The following PCED1B variants were observed in gnomAD, a reference collection of about 807,000 sequenced individuals.
PCED1B encodes PC-esterase domain-containing protein 1B.
For synonymous variants in PCED1B, 251 were observed against 246.1 expected (o/e 1.02, Z -0.19); for missense variants, 573 against 573.9 (o/e 1.00, Z 0.02).
intron 1 of PCED1B, among the ~76,000 whole-genome samples, chr12:47,099,245 C>A (rs1174149004): frequency 6.6e-6 from 1 of 152,198 alleles, no homozygotes; most frequent in Non-Finnish European, 1.5e-5. Flanking sequence ...AATTCACATA[C>A]CATTTTGGGC....
At chr12:47,192,343 A>C (rs1431154278) in intron 2 of PCED1B, among the ~76,000 whole-genome samples, 1 of 152,172 alleles carries the variant, frequency 6.6e-6, no homozygotes, top group Non-Finnish European at 1.5e-5. Context: ...GGCTGAAATA[A>C]GAAAAATATG....
intron 2 of PCED1B, among the ~76,000 whole-genome samples, chr12:47,181,985 C>T (rs891162129): frequency 2.0e-5 from 3 of 152,204 alleles, no homozygotes; most frequent in Non-Finnish European, 4.4e-5. Context: ...CTGAAGGCTT[C>T]ACAAACCTTT....
chr12:47,137,882 G>T (rs546599199), intron 2 of PCED1B, among the ~76,000 whole-genome samples: 1 of 152,250 alleles, frequency 6.6e-6, no homozygotes, highest in East Asian at 1.9e-4. Context: ...AAGCTAAGAG[G>T]TGTGAGCCAT....
chr12:47,090,509 C>T (rs544174351), intron 1 of PCED1B, among the ~76,000 whole-genome samples: 2 of 152,210 alleles, frequency 1.3e-5, no homozygotes, highest in African/African-American at 4.8e-5. Context: ...ATGCATAGAA[C>T]CGGAGTACCA....
chr12:47,195,876 C>T (rs117466532), intron 2 of PCED1B, among the ~76,000 whole-genome samples: 445 of 152,236 alleles, frequency 2.9e-3, no homozygotes, highest in Admixed American at 4.3e-3. Flanking sequence ...TTATAATATA[C>T]GGGCTATGGT....
chr12:47,201,284 C>T (rs560831123), intron 2 of PCED1B, among the ~76,000 whole-genome samples: 2 of 152,178 alleles, frequency 1.3e-5, no homozygotes, highest in South Asian at 2.1e-4. Context: ...GGGCTTTGGG[C>T]GTTATCAATC....
chr12:47,220,340 T>C lies in PCED1B; in HGVS notation c.-58+3651T>C, dbSNP rs555779545. On this transcript the variant is annotated intron_variant, in intron 3 of 3. Coordinates refer to ENST00000546455, the MANE Select transcript of PCED1B (RefSeq NM_138371.3). Reference sequence around the variant, plus strand: ...GTGTGTGCCATGACACCAGGCTAATTTTTGTATTTTTAGTAGAGACTGGGT... The same window carrying C: ...GTGTGTGCCATGACACCAGGCTAATCTTTGTATTTTTAGTAGAGACTGGGT... Among the ~76,000 whole-genome samples the C allele has an allele frequency of 2.0e-4, 31 of 151,926 alleles. No individual in the cohort carries two copies. In the South Asian group the frequency reaches 5.6e-3, roughly 28 times the overall value.
intron 3 of PCED1B, among the ~76,000 whole-genome samples, chr12:47,228,420 C>A (rs1198048982): frequency 6.6e-6 from 1 of 152,152 alleles, no homozygotes; most frequent in East Asian, 1.9e-4. Flanking sequence ...CCCATCCCCT[C>A]CCTTCATGAC....
chr12:47,212,351 C>T (rs1943119010), intron 2 of PCED1B, among the ~76,000 whole-genome samples: 2 of 152,120 alleles, frequency 1.3e-5, no homozygotes, highest in South Asian at 2.1e-4. Context: ...AGGTAAGGGA[C>T]ATTGCTAAAT....
rs1334423580 is a variant in PCED1B, at chr12:47,211,828, C to T, written c.-525-4394C>T. On this transcript the variant is annotated intron_variant, in intron 2 of 3. Transcript: ENST00000546455. The stretch of plus-strand genomic sequence containing the variant: ...CGGTGGCTCACGCCTGTAATCCCAG[C>T]ACTTTGGGAGGCCGAGGCGGGCGGA... Among the ~76,000 whole-genome samples, 4 of 150,942 alleles carry T rather than the reference C, an allele frequency of 2.7e-5. No homozygotes were observed. The East Asian group carries it at 7.8e-4, about 30-fold the overall frequency.
intron 2 of PCED1B, among the ~76,000 whole-genome samples, chr12:47,148,944 T>C (rs1270546797): frequency 6.6e-6 from 1 of 152,224 alleles, no homozygotes; most frequent in African/African-American, 2.4e-5. Flanking sequence ...TGTCCCGTTT[T>C]TTTCTCCTTC....
chr12:47,178,188 A>ACAG (rs1941984470), intron 2 of PCED1B, among the ~76,000 whole-genome samples: 1 of 152,206 alleles, frequency 6.6e-6, no homozygotes, highest in Non-Finnish European at 1.5e-5. Context: ...CCCTGAGAAT[A>ACAG]CAGCACCTTT....
At position 47,235,811 on chromosome 12, in the gene PCED1B, G is replaced by A. The variant is rs1460019218; in HGVS notation, c.748G>A (p.Asp250Asn). 6 of 1,575,938 alleles carry A rather than the reference G, an allele frequency of 3.8e-6. No individual in the cohort carries two copies. The highest frequency in any genetic ancestry group is 5.2e-6 in the Non-Finnish European group (6 of 1,160,942). The change falls in exon 4 of 4, where the codon GAC (aspartate) becomes AAC (asparagine). Residue 250 changes from aspartate (D) to asparagine (N), a missense_variant. Coordinates refer to ENST00000546455, the MANE Select transcript of PCED1B (RefSeq NM_138371.3). ...CCAGCTGCTGCTGGCCCACGTGGCC[G>A]ACGCCTGGGGTGTGGAGCTGCCCCA... is the stretch of plus-strand genomic sequence containing the variant. ...LSQLLLAHVA[D>N]AWGVELPHRH... is the part of the protein sequence containing the mutation.
chr12:47,146,938 G>C (rs1940808736), intron 2 of PCED1B, among the ~76,000 whole-genome samples: 1 of 150,060 alleles, frequency 6.7e-6, no homozygotes, highest in Non-Finnish European at 1.5e-5. Context: ...GTTTAAAGTA[G>C]CCTTATAGCT....
chr12:47,181,386 T>G (rs1942091412), intron 2 of PCED1B, among the ~76,000 whole-genome samples: 1 of 145,244 alleles, frequency 6.9e-6, no homozygotes, highest in Admixed American at 6.9e-5. Context: ...TTTTTTTTTT[T>G]GAGATGGATT....
At position 47,157,553 on chromosome 12, in the gene PCED1B, G is replaced by A. The variant is rs923903165; in HGVS notation, c.-526+53358G>A. 3.3e-5 allele frequency among the ~76,000 whole-genome samples: 5 copies of A among 152,124 alleles called. No homozygotes were observed. The East Asian group carries it at 5.8e-4, about 18-fold the overall frequency. On this transcript the variant is annotated intron_variant, in intron 2 of 3. Coordinates refer to ENST00000546455, the MANE Select transcript of PCED1B (RefSeq NM_138371.3). ...AAAGCCACTGTACTTCAGCCTAGGC[G>A]ACAGAGCAAGGCCCTGTCTCTTCAA... is the stretch of plus-strand genomic sequence containing the variant.
chr12:47,086,313 A>G (rs1225541775), intron 1 of PCED1B, among the ~76,000 whole-genome samples: 2 of 150,948 alleles, frequency 1.3e-5, no homozygotes, highest in Non-Finnish European at 2.9e-5. Context: ...AATAACAACT[A>G]AAAAGATTTT....
intron 1 of PCED1B, among the ~76,000 whole-genome samples, chr12:47,093,193 T>A (rs369653253): frequency 6.6e-6 from 1 of 152,126 alleles, no homozygotes; most frequent in East Asian, 1.9e-4. Context: ...TTTTCATCTC[T>A]TCTCCTGTCA....
At chr12:47,212,170 G>A (rs1403171028) in intron 2 of PCED1B, among the ~76,000 whole-genome samples, 2 of 151,918 alleles carry the variant, frequency 1.3e-5, no homozygotes, top group Non-Finnish European at 2.9e-5. Context: ...ACTGGGGGTA[G>A]GTGGGAGACT....
Sources: allele counts gnomAD v4.1 joint callset (sites outside exome capture counted in the v4.1 genomes callset), GRCh38; gene constraint gnomAD v4.1.1; transcripts MANE v1.5; gene names NCBI Gene and HGNC (gene_info 2026-07-23, HGNC 2026-07-21).